ZNF20: variants seen among roughly 807,000 people sequenced by gnomAD.
ZNF20 encodes the protein zinc finger protein 20.
In ZNF20, 9 loss-of-function variants were observed where a neutral mutation model predicts 11.0. The observed-to-expected ratio is 0.82, with a 90% CI of 0.49 to 1.43. ZNF20 has a LOEUF of 1.43. ZNF20 is among the 40% of genes most tolerant of loss of function. The probability of loss-of-function intolerance (pLI) is 0.00; values close to 1 mark genes in which losing one functional copy is unlikely to be tolerated. For missense variants in ZNF20, 528 were observed against 640.8 expected, an observed-to-expected ratio of 0.82 and a Z score of 1.90; for synonymous variants, 182 against 213.0, an observed-to-expected ratio of 0.85 and a Z score of 1.27.
In ZNF20 at chr19:12,132,830, C is replaced by G. The variant is rs1599431060; in HGVS notation, c.1356G>C (p.Glu452Asp). Residue 452 changes from glutamate (E) to aspartate (D), a missense_variant, in exon 4 of 4, where the codon GAG (glutamate) becomes GAC (aspartate). Coordinates refer to ENST00000334213, the MANE Select transcript of ZNF20 (RefSeq NM_021143.4). ...ERTHTGDKPY[E>D]CKVCGKAFTC... ...TGAAGGCTTTGCCACATACCTTACACTCATATGGCTTATCTCCAGTGTGTG... is the reference window on the plus strand; with the variant it reads ...TGAAGGCTTTGCCACATACCTTACAGTCATATGGCTTATCTCCAGTGTGTG... 6.2e-7 allele frequency: 1 copy of G among 1,613,708 alleles called. No homozygotes were observed. The highest frequency in any genetic ancestry group is 1.7e-4 in the Middle Eastern group (1 of 6,058).
Position 12,133,316 on chromosome 19 carries a change from T to G in ZNF20, c.870A>C (p.Lys290Asn). The part of the protein sequence containing the change: ...EKPYECKQCG[K>N]VFISFSSIQY... ...GAATGGAACTGAAAGAAATGAAGAC[T>G]TTCCCACATTGCTTACACTCATAGG... The change falls in exon 4 of 4, where the codon AAA (lysine) becomes AAC (asparagine). Residue 290 changes from lysine to asparagine, a missense_variant. Coordinates refer to ENST00000334213, the MANE Select transcript of ZNF20 (RefSeq NM_021143.4). 6.2e-7 allele frequency: 1 copy of G among 1,614,206 alleles called. No individual in the cohort carries two copies. Among genetic ancestry groups the G allele is most frequent in the South Asian group, 1.1e-5 (1 of 91,082 alleles).
intron 1 of ZNF20, chr19:12,137,044 C>A (rs1421979421): frequency 7.7e-6 from 2 of 259,800 alleles, no homozygotes; most frequent in African/African-American, 2.3e-5. Context: ...GTGGCTCATG[C>A]CTGTAATCCC....
Position 12,132,935 on chromosome 19 carries a change from G to A in ZNF20, c.1251C>T (p.His417=). ...FSSLRIHERT[H]TGEKPHECKQ... The stretch of plus-strand genomic sequence containing the variant: ...TACATTCATGGGGCTTCTCTCCAGT[G>A]TGCGTCCTTTCATGTATACGCAAGG... Residue 417 remains histidine, a synonymous_variant, in exon 4 of 4, where the codon CAC becomes CAT. Coordinates refer to ENST00000334213, the MANE Select transcript of ZNF20 (RefSeq NM_021143.4). 1 of 1,614,098 alleles carries A rather than the reference G, an allele frequency of 6.2e-7. No individual in the cohort carries two copies. Among genetic ancestry groups the A allele is most frequent in the Non-Finnish European group, 8.5e-7 (1 of 1,179,998 alleles).
rs1484643899 is a variant in ZNF20 at position 12,139,691 on chromosome 19, C to T, written c.3+489G>A. Reference sequence around the variant, plus strand: ...GACTACAGGCGCATGCCACCATGCCCGGCTAATTTTTTGTATTTTTAGTAG... The same window carrying T: ...GACTACAGGCGCATGCCACCATGCCTGGCTAATTTTTTGTATTTTTAGTAG... On this transcript the variant is annotated intron_variant, in intron 1 of 3. Transcript: ENST00000334213. The surrounding 1 kb of genome is among the most constrained non-coding windows in gnomAD (Gnocchi z 4.0). 6.6e-6 allele frequency among the ~76,000 whole-genome samples: 1 copy of T among 151,930 alleles called. No individual in the cohort carries two copies. The highest frequency in any genetic ancestry group is 1.5e-5 in the Non-Finnish European group (1 of 68,000).
In ZNF20 at chr19:12,139,235, G is replaced by C. The variant is rs73499981; in HGVS notation, c.3+945C>G. Among the ~76,000 whole-genome samples the C allele has an allele frequency of 0.015, 2,226 of 152,306 alleles. 49 individuals are homozygous for C. Among genetic ancestry groups the C allele is most frequent in the African/African-American group, 0.051 (2,132 of 41,560 alleles). ...TTACTTCATCCTCTCCTTTTACATAGAGTATACCCCAAGTAACCAATGGAA... is the reference window on the plus strand; with the variant it reads ...TTACTTCATCCTCTCCTTTTACATACAGTATACCCCAAGTAACCAATGGAA... On this transcript the variant is annotated intron_variant, in intron 1 of 3. Transcript: ENST00000334213. This position sits in a 1 kb window ranked among gnomAD's most constrained non-coding sequence, Gnocchi z 4.0.
At chr19:12,137,037 G>A in intron 1 of ZNF20, 1 of 271,646 alleles carries the variant, frequency 3.7e-6, no homozygotes, top group Non-Finnish European at 7.3e-6. Context: ...GTGTGTAGTG[G>A]CTCATGCCTG....
chr19:12,134,926 G>A (rs1230322172), intron 3 of ZNF20, among the ~76,000 whole-genome samples: 1 of 151,924 alleles, frequency 6.6e-6, no homozygotes, highest in Admixed American at 6.6e-5. Context: ...AAATTGGAGT[G>A]TAGTGGTACC....
rs552151850 is a variant in ZNF20 at position 12,137,430 on chromosome 19, G to A, written c.4-1526C>T. Among the ~76,000 whole-genome samples, 9 of 152,078 alleles carry A rather than the reference G, an allele frequency of 5.9e-5. 1 individual carries two copies. Among genetic ancestry groups the A allele is most frequent in the Admixed American group, 3.9e-4 (6 of 15,270 alleles). ...ACTTACACAGCTGCCTCCTGGTGAC[G>A]ACCTCACTGTGGAAAAGCTAGACAG... On this transcript the variant is annotated intron_variant, in intron 1 of 3. Coordinates refer to ENST00000334213, the MANE Select transcript of ZNF20 (RefSeq NM_021143.4).
chr19:12,133,520 AG>A lies in ZNF20; in HGVS notation c.665del (p.Thr222MetfsTer3). On this transcript the variant is annotated frameshift_variant, in exon 4 of 4. Transcript: ENST00000334213. LOFTEE classifies it low-confidence loss of function (END_TRUNC). ...NLCLIHERIHTGVKPYKCKQC... is the reference protein window; with the variant it reads ...NLCLIHERIHXGVKPYKCKQC... ...GTTTACACTTATATGGTTTCACACC[AG>A]TGTGAATTCGTTCATGGATAAGACA... The A allele has an allele frequency of 6.2e-7, 1 of 1,614,142 alleles. No individual in the cohort carries two copies. The highest frequency in any genetic ancestry group is 8.5e-7 in the Non-Finnish European group (1 of 1,179,960).
intron 1 of ZNF20, 73 bp from the exon 2 acceptor site, chr19:12,135,977 A>G (rs1210494923): frequency 6.4e-7 from 1 of 1,559,150 alleles, no homozygotes; most frequent in Non-Finnish European, 8.7e-7. Context: ...AGAAGTTCTC[A>G]TGATACTGTG....
rs771084230 is a variant in ZNF20 at position 12,133,747 on chromosome 19, C to G, written c.439G>C (p.Glu147Gln). 2 of 1,613,982 alleles carry G rather than the reference C, an allele frequency of 1.2e-6. No homozygotes were observed. Among genetic ancestry groups the G allele is most frequent in the African/African-American group, 2.7e-5 (2 of 74,902 alleles). The change falls in exon 4 of 4, where the codon GAA (glutamate) becomes CAA (glutamine). Residue 147 changes from glutamate (E) to glutamine (Q), a missense_variant. Physicochemically the swap from Glu to Gln is conservative, Grantham distance 29. Transcript: ENST00000334213. ...AGATAACTGAAGGCTTTCTTACATT[C>G]CTTATTTCTATATGGATTCTCTCCA... ...EYGENPYRNK[E>Q]CKKAFSYLDS...
Position 12,132,542 on chromosome 19 carries a change from G to A in ZNF20, c.*45C>T, listed in dbSNP as rs1480549092. The A allele has an allele frequency of 6.6e-7, 1 of 1,518,348 alleles. No individual in the cohort carries two copies. Among genetic ancestry groups the A allele is most frequent in the South Asian group, 1.4e-5 (1 of 73,944 alleles). The allele number at this position is 1,518,348 out of a possible 1,614,324, so 94.1% of individuals were successfully genotyped here. On this transcript the variant is annotated 3_prime_UTR_variant, in exon 4 of 4. Transcript: ENST00000334213. ...TCTTTTCTTGTGTTTCAAAGGAAGT[G>A]GGACAACAGAAAGCTTCTCCCGTTG...
At chr19:12,138,986 G>C (rs1386721848) in intron 1 of ZNF20, among the ~76,000 whole-genome samples, 1 of 152,178 alleles carries the variant, frequency 6.6e-6, no homozygotes, top group East Asian at 1.9e-4. Flanking sequence ...AAATGCAGGA[G>C]GAAGCCAGTC....
intron 1 of ZNF20, among the ~76,000 whole-genome samples, chr19:12,136,627 C>T (rs569079809): frequency 2.0e-4 from 31 of 152,038 alleles, no homozygotes; most frequent in East Asian, 5.8e-4. Flanking sequence ...GCAGAGATTG[C>T]GGTGAGCTGA....
chr19:12,132,516 C>G lies in ZNF20; in HGVS notation c.*71G>C. On this transcript the variant is annotated 3_prime_UTR_variant, in exon 4 of 4. Transcript: ENST00000334213. The stretch of plus-strand genomic sequence containing the variant: ...GTTATCCAGAGGTTCTTTCACCACT[C>G]TCTTTTCTTGTGTTTCAAAGGAAGT... 6.8e-7 allele frequency: 1 copy of G among 1,460,976 alleles called. No homozygotes were observed. The highest frequency in any genetic ancestry group is 1.4e-5 in the South Asian group (1 of 71,274). 90.5% of individuals were successfully genotyped at this position (1,460,976 alleles called of 1,614,324 possible).
At position 12,133,604 on chromosome 19, in the gene ZNF20, A is replaced by C; in HGVS notation, c.582T>G (p.Ser194Arg). 1 of 1,614,232 alleles carries C rather than the reference A, an allele frequency of 6.2e-7. No homozygotes were observed. The highest frequency in any genetic ancestry group is 8.5e-7 in the Non-Finnish European group (1 of 1,180,038). The part of the protein sequence containing the change: ...SCIQRHRVMH[S>R]GDGPYKCKFC... Reference sequence around the variant, plus strand: ...ACTTACATTTATAAGGTCCATCTCCACTGTGCATTACCCTGTGTCTTTGAA... The same window carrying C: ...ACTTACATTTATAAGGTCCATCTCCCCTGTGCATTACCCTGTGTCTTTGAA... The change falls in exon 4 of 4, where the codon AGT (serine) becomes AGG (arginine). Residue 194 changes from serine (S) to arginine (R), a missense_variant. By Grantham distance (110) the Ser-to-Arg change is moderately radical (BLOSUM62 -1). Transcript: ENST00000334213.
At position 12,139,533 on chromosome 19, in the gene ZNF20, A is replaced by ATTT. The variant is rs550020752; in HGVS notation, c.3+644_3+646dup. ...ATCGCTGTTTGCTCAAACTCTTTAA[A>ATTT]TTTTTTTTTTTTTTTGAGATGGAAT... On this transcript the variant is annotated intron_variant, in intron 1 of 3. Transcript: ENST00000334213. This position sits in a 1 kb window ranked among gnomAD's most constrained non-coding sequence, Gnocchi z 4.0. Among the ~76,000 whole-genome samples, 1 of 145,890 alleles carries ATTT rather than the reference A, an allele frequency of 6.9e-6. No homozygotes were observed. The highest frequency in any genetic ancestry group is 2.5e-5 in the African/African-American group (1 of 39,708).
In ZNF20 at chr19:12,135,486, C is replaced by A; in HGVS notation, c.200+14G>T. ...TTTCTAGAGGCATTGCCTTGTCTTGCGAGAGAAAATTACCTTAGATTTCTC... is the reference window on the plus strand; with the variant it reads ...TTTCTAGAGGCATTGCCTTGTCTTGAGAGAGAAAATTACCTTAGATTTCTC... On this transcript the variant is annotated intron_variant, in intron 3 of 3. Transcript: ENST00000334213. 1 of 1,613,068 alleles carries A rather than the reference C, an allele frequency of 6.2e-7. No homozygotes were observed. Among genetic ancestry groups the A allele is most frequent in the South Asian group, 1.1e-5 (1 of 90,944 alleles).
At position 12,133,516 on chromosome 19, in the gene ZNF20, C is replaced by G; in HGVS notation, c.670G>C (p.Val224Leu). Reference protein sequence around the residue: ...CLIHERIHTGVKPYKCKQCGK... With the variant: ...CLIHERIHTGLKPYKCKQCGK... ...CATTGTTTACACTTATATGGTTTCA[C>G]ACCAGTGTGAATTCGTTCATGGATA... The change falls in exon 4 of 4, where the codon GTG becomes CTG. Residue 224 changes from valine (V) to leucine (L), a missense_variant. Val to Leu is a conservative substitution (Grantham distance 32, BLOSUM62 1). Coordinates refer to ENST00000334213, the MANE Select transcript of ZNF20 (RefSeq NM_021143.4). 1 of 1,614,224 alleles carries G rather than the reference C, an allele frequency of 6.2e-7. No homozygotes were observed. The highest frequency in any genetic ancestry group is 8.5e-7 in the Non-Finnish European group (1 of 1,180,042).
Sources: gnomAD v4.1 joint callset for allele counts (sites outside exome capture counted in the v4.1 genomes callset) on GRCh38, gnomAD v4.1.1 for gene constraint, Gnocchi (gnomAD v3.1) non-coding constraint, MANE v1.5 for transcripts, NCBI Gene and HGNC (gene_info 2026-07-23, HGNC 2026-07-21) for gene names.